The following SLC71A2 variants were observed in gnomAD, a reference collection of about 807,000 sequenced individuals.
SLC71A2 encodes the protein hippocampus abundant transcript-like 1.
At chr9:94,379,386 C>CTT in the SLC71A2 span, among the ~76,000 whole-genome samples, 4 of 127,642 alleles carry the variant, frequency 3.1e-5, no homozygotes, top group East Asian at 2.3e-4. Flanking sequence ...GCGCCTGGCC[C>CTT]TTTTTTTTTT....
chr9:94,402,762 A>C, the SLC71A2 span, among the ~76,000 whole-genome samples: 1 of 152,168 alleles, frequency 6.6e-6, no homozygotes, highest in Non-Finnish European at 1.5e-5. Context: ...GTACCTACAG[A>C]CTCATCTTGA....
the SLC71A2 span, chr9:94,429,061 G>T: frequency 1.5e-6 from 2 of 1,376,856 alleles, no homozygotes; most frequent in South Asian, 1.4e-5. Flanking sequence ...TTATTTTTTT[G>T]AATTTTGTTG....
the SLC71A2 span, among the ~76,000 whole-genome samples, chr9:94,379,103 TGAGACGGAG>T: frequency 7.0e-6 from 1 of 142,330 alleles, no homozygotes; most frequent in African/African-American, 2.7e-5. Flanking sequence ...TTTTTTTTTT[TGAGACGGAG>T]TTTCACTGTT....
chr9:94,449,675 A>G, the SLC71A2 span, among the ~76,000 whole-genome samples: 1 of 152,212 alleles, frequency 6.6e-6, no homozygotes, highest in African/African-American at 2.4e-5. Context: ...AGTTCCCCAA[A>G]ATATTCAACA....
chr9:94,410,316 G>C, the SLC71A2 span, among the ~76,000 whole-genome samples: 4 of 152,104 alleles, frequency 2.6e-5, no homozygotes, highest in Admixed American at 2.6e-4. Flanking sequence ...TACTGGTCTT[G>C]AACTCCTAGC....
At chr9:94,397,186 T>C in the SLC71A2 span, among the ~76,000 whole-genome samples, 8 of 152,240 alleles carry the variant, frequency 5.3e-5, no homozygotes, top group Non-Finnish European at 8.8e-5. Flanking sequence ...AATAGTTTTA[T>C]ATCCACAGAA....
At chr9:94,456,208 G>C in the SLC71A2 span, 2 of 1,554,774 alleles carry the variant, frequency 1.3e-6, no homozygotes, top group Non-Finnish European at 1.8e-6. Context: ...AGGTTGACCT[G>C]CTGCCTGACT....
the SLC71A2 span, among the ~76,000 whole-genome samples, chr9:94,445,341 T>G: frequency 3.3e-5 from 5 of 152,178 alleles, no homozygotes; most frequent in African/African-American, 1.2e-4. Flanking sequence ...GAGTTAGTCT[T>G]TGTATTAAGA....
the SLC71A2 span, among the ~76,000 whole-genome samples, chr9:94,405,817 C>T: frequency 6.6e-6 from 1 of 151,526 alleles, no homozygotes; most frequent in Non-Finnish European, 1.5e-5. Flanking sequence ...GGAGTTTTCT[C>T]TTCTTGCAAA....
the SLC71A2 span, among the ~76,000 whole-genome samples, chr9:94,448,510 T>C: frequency 2.5e-4 from 38 of 152,368 alleles, no homozygotes; most frequent in South Asian, 2.1e-4. Flanking sequence ...GCAAGCTTCC[T>C]CCTAAGATAA....
At chr9:94,405,736 T>G in the SLC71A2 span, among the ~76,000 whole-genome samples, 17 of 152,174 alleles carry the variant, frequency 1.1e-4, no homozygotes, top group African/African-American at 4.1e-4. Context: ...AAGTGTGAGA[T>G]AATTTTTTTT....
At chr9:94,443,238 A>G in the SLC71A2 span, among the ~76,000 whole-genome samples, 1 of 152,148 alleles carries the variant, frequency 6.6e-6, no homozygotes, top group Non-Finnish European at 1.5e-5. Context: ...GAGAGCAATC[A>G]GTGAGCGCAC....
the SLC71A2 span, among the ~76,000 whole-genome samples, chr9:94,388,310 T>C: frequency 6.6e-6 from 1 of 152,212 alleles, no homozygotes; most frequent in African/African-American, 2.4e-5. Context: ...ATTACCATTC[T>C]TTTGTTATAT....
the SLC71A2 span, among the ~76,000 whole-genome samples, chr9:94,432,266 C>T: frequency 6.6e-6 from 1 of 152,026 alleles, no homozygotes; most frequent in South Asian, 2.1e-4. Flanking sequence ...TTTGGGAGGC[C>T]GAGGTGGGCT....
At chr9:94,428,658 G>A in the SLC71A2 span, among the ~76,000 whole-genome samples, 1 of 127,080 alleles carries the variant, frequency 7.9e-6, no homozygotes, top group Non-Finnish European at 1.6e-5. Context: ...TTTATTTGAT[G>A]AACTTACATT....
chr9:94,405,447 G>A, the SLC71A2 span, among the ~76,000 whole-genome samples: 8 of 150,540 alleles, frequency 5.3e-5, no homozygotes, highest in East Asian at 2.0e-4. Context: ...TGCAGTGAGC[G>A]GAAATCGTGC....
chr9:94,445,230 C>A, the SLC71A2 span: 1 of 1,459,124 alleles, frequency 6.9e-7, no homozygotes, highest in Non-Finnish European at 9.4e-7. Context: ...TCTTTCTAAG[C>A]CAAGCAAATG....
the SLC71A2 span, among the ~76,000 whole-genome samples, chr9:94,387,574 A>T: frequency 6.6e-6 from 1 of 152,240 alleles, no homozygotes; most frequent in African/African-American, 2.4e-5. Context: ...ACATCAGTGC[A>T]TGGAGATAAA....
the SLC71A2 span, among the ~76,000 whole-genome samples, chr9:94,410,596 A>G: frequency 1.3e-5 from 2 of 152,208 alleles, no homozygotes; most frequent in Admixed American, 1.3e-4. Context: ...CTATAAATCA[A>G]TATGAAAGAT....
Sources: allele counts gnomAD v4.1 joint callset (sites outside exome capture counted in the v4.1 genomes callset), GRCh38; gene constraint gnomAD v4.1.1; transcripts MANE v1.5; gene names NCBI Gene and HGNC (gene_info 2026-07-23, HGNC 2026-07-21).